OGG1: variants seen among roughly 807,000 people sequenced by gnomAD.
OGG1 encodes 8-oxoguanine DNA glycosylase, also known as N-glycosylase/DNA lyase.
Under a neutral mutation model 42.3 loss-of-function variants are expected in OGG1, and 35 were observed. The ratio of observed to expected loss-of-function variants is 0.83; its 90% CI spans 0.63 to 1.10. The LOEUF (loss-of-function observed/expected upper bound fraction) is 1.10, where lower values mean the gene tolerates loss of function less well. OGG1 is among the 50% of genes least tolerant of loss of function. The pLI is 0.00. For synonymous variants in OGG1, 189 were observed against 179.0 expected (o/e 1.06, Z -0.44); for missense variants, 484 against 446.7 (o/e 1.08, Z -0.75).
downstream of OGG1, among the ~76,000 whole-genome samples, chr3:9,790,623 G>A (rs914959615): frequency 6.6e-6 from 1 of 152,182 alleles, no homozygotes; most frequent in African/African-American, 2.4e-5. Context: ...GCATCTTTAT[G>A]CAGTGAATAA....
chr3:9,776,451 G>T (rs142463664), intron 2 of OGG1, among the ~76,000 whole-genome samples: 2 of 146,530 alleles, frequency 1.4e-5, no homozygotes, highest in South Asian at 4.3e-4. Flanking sequence ...GTGCAGTGGC[G>T]CGATCTCGGC....
At chr3:9,771,809 T>A (rs1309315358) in intron 2 of OGG1, among the ~76,000 whole-genome samples, 1 of 126,564 alleles carries the variant, frequency 7.9e-6, no homozygotes, top group Non-Finnish European at 1.6e-5. Context: ...TTGTACAACT[T>A]CTTTTTTTTT....
At chr3:9,762,477 A>C (rs1028390395) in intron 7 of OGG1, among the ~76,000 whole-genome samples, 14 of 152,064 alleles carry the variant, frequency 9.2e-5, no homozygotes, top group Non-Finnish European at 1.5e-5. Context: ...CCCGGGTCCA[A>C]GTGATTCGCC....
downstream of OGG1, among the ~76,000 whole-genome samples, chr3:9,771,709 C>G (rs1383595793): frequency 1.6e-4 from 25 of 152,066 alleles, no homozygotes; most frequent in Non-Finnish European, 1.5e-5. Context: ...AGCACACCCA[C>G]TGAGCTAGGG....
At chr3:9,754,166 T>G (rs1234816295) in intron 3 of OGG1, among the ~76,000 whole-genome samples, 2 of 152,182 alleles carry the variant, frequency 1.3e-5, no homozygotes, top group Non-Finnish European at 2.9e-5. Flanking sequence ...CAGGTCTTGG[T>G]GTCCCAGACC....
chr3:9,783,957 C>A, intron 3 of OGG1: 1 of 1,518,894 alleles, frequency 6.6e-7, no homozygotes, highest in East Asian at 2.4e-5. Context: ...TGTAAAACCC[C>A]TGAAAGGTGA....
At chr3:9,784,272 G>A in intron 3 of OGG1, 1 of 1,559,400 alleles carries the variant, frequency 6.4e-7, no homozygotes, top group Non-Finnish European at 8.7e-7. Flanking sequence ...GGCCCACCTT[G>A]GAGGTTCCCA....
In OGG1 at chr3:9,750,072, C is replaced by T; in HGVS notation, c.-215C>T. The stretch of plus-strand genomic sequence containing the variant: ...GGCGGGACCTACACCTCAGGAAAGC[C>T]GGAGAATTGGGGCACGAAGCGGGGC... On this transcript the variant is annotated 5_prime_UTR_variant, in exon 1 of 7. Transcript: ENST00000344629. 1.6e-6 allele frequency: 1 copy of T among 627,068 alleles called. No individual in the cohort carries two copies. Among genetic ancestry groups the T allele is most frequent in the Non-Finnish European group, 2.7e-6 (1 of 365,936 alleles). The allele number at this position is 627,068 out of a possible 1,614,324, so 38.8% of individuals were successfully genotyped here. A position where few individuals can be genotyped will look rare whatever the true frequency, so the allele number is the denominator to read the frequency against.
intron 3 of OGG1, chr3:9,785,577 A>G: frequency 3.4e-6 from 2 of 584,662 alleles, no homozygotes; most frequent in Non-Finnish European, 6.1e-6. Context: ...CCAATCCCAA[A>G]TTGCTTTGAT....
chr3:9,762,220 A>G (rs189860183), downstream of OGG1: 5 of 161,674 alleles, frequency 3.1e-5, no homozygotes, highest in African/African-American at 9.6e-5. Flanking sequence ...CCCTTCTCCT[A>G]GAACGGATTG....
downstream of OGG1, chr3:9,789,747 C>T: frequency 5.6e-6 from 9 of 1,613,798 alleles, no homozygotes; most frequent in Non-Finnish European, 7.6e-6. Context: ...ATCCGTGGCA[C>T]GTCGATAGGG....
chr3:9,788,603 G>A (rs563633187), downstream of OGG1, among the ~76,000 whole-genome samples: 16 of 151,438 alleles, frequency 1.1e-4, no homozygotes, highest in South Asian at 6.3e-4. Flanking sequence ...ACAGTGGCAC[G>A]ATCTTGGCTC....
Position 9,754,795 on chromosome 3 carries a change from G to T in OGG1, c.657G>T (p.Gln219His). 1 of 1,613,770 alleles carries T rather than the reference G, an allele frequency of 6.2e-7. No homozygotes were observed. ...SASARAILEE[Q>H]GGLAWLQQLR... The stretch of plus-strand genomic sequence containing the variant: ...GTGCCCGAGCCATCCTGGAAGAACA[G>T]GGCGGGCTAGCCTGGCTGCAGCAGC... The change falls in exon 4 of 7, where the codon CAG becomes CAT. Residue 219 changes from glutamine (Q) to histidine (H), a missense_variant. Physicochemically the swap from Gln to His is conservative, Grantham distance 24 (BLOSUM62 0). Transcript: ENST00000344629.
exon 8 of OGG1, chr3:9,766,330 C>A: frequency 1.5e-6 from 1 of 689,284 alleles, no homozygotes. Flanking sequence ...TACCCCTGGG[C>A]TTTTGGATTA....
chr3:9,763,275 C>T (rs114080618), intron 7 of OGG1: 2 of 1,603,594 alleles, frequency 1.2e-6, no homozygotes, highest in South Asian at 1.1e-5. Flanking sequence ...GTCCAAGCTA[C>T]TTGGGAACTT....
At chr3:9,764,619 T>G (rs1033590273) in intron 7 of OGG1, among the ~76,000 whole-genome samples, 1 of 124,798 alleles carries the variant, frequency 8.0e-6, no homozygotes, top group Non-Finnish European at 1.6e-5. Context: ...GCGTTTTTGT[T>G]TTTTTTTTGT....
Position 9,785,437 on chromosome 3 carries a change from C to CA in OGG1, c.383-2286dup, listed in dbSNP as rs774722473. 26 of 1,585,868 alleles carry CA rather than the reference C, an allele frequency of 1.6e-5. No individual in the cohort carries two copies. In the African/African-American group the frequency reaches 3.4e-4, roughly 21 times the overall value. On this transcript the variant is annotated intron_variant, in intron 3 of 3. Coordinates refer to the OGG1 transcript ENST00000426518. ...GAAATAATATTTTCCTAGAAGACCA[C>CA]AAAAATGAGTGGAAGGAAAAATAGC...
At chr3:9,783,795 A>G (rs1396679621) in intron 3 of OGG1, 2 of 735,498 alleles carry the variant, frequency 2.7e-6, no homozygotes, top group Non-Finnish European at 3.9e-6. Context: ...AACAAAACAA[A>G]AACAAATCAA....
intron 2 of OGG1, among the ~76,000 whole-genome samples, chr3:9,777,912 C>T (rs2078385106): frequency 6.6e-6 from 1 of 152,172 alleles, no homozygotes; most frequent in Non-Finnish European, 1.5e-5. Context: ...AGGTTGGGCA[C>T]TGCCCAAGTA....
Sources: allele counts gnomAD v4.1 joint callset (sites outside exome capture counted in the v4.1 genomes callset), GRCh38; gene constraint gnomAD v4.1.1; transcripts MANE v1.5; gene names NCBI Gene and HGNC (gene_info 2026-07-23, HGNC 2026-07-21).